Variants in JADE3 observed in about 807,000 individuals in gnomAD.
The protein encoded by JADE3 is jade family PHD finger 3, also known as protein Jade-3.
Under a neutral mutation model 50.1 loss-of-function variants are expected in JADE3, and 2 were observed. That is an observed-to-expected ratio of 0.04 (90% CI 0.02 to 0.13). The LOEUF is 0.13. Among genes scored for constraint, JADE3 ranks in the 10% least tolerant of loss-of-function variants. JADE3 has a pLI of 1.00. For synonymous variants in JADE3, 218 were observed against 232.9 expected, an observed-to-expected ratio of 0.94 and a Z score of 0.58; for missense variants, 475 against 634.4, an observed-to-expected ratio of 0.75 and a Z score of 2.70.
At chrX:46,980,162 G>A (rs1927713894) in intron 1 of JADE3, among the ~76,000 whole-genome samples, 1 of 110,527 alleles carries the variant, frequency 9.0e-6, no homozygotes, top group Admixed American at 9.7e-5. Flanking sequence ...TTACAGGTGC[G>A]AGCCACCATG....
At chrX:47,017,019 A>G (rs1253211943) in intron 4 of JADE3, among the ~76,000 whole-genome samples, 2 of 112,051 alleles carry the variant, frequency 1.8e-5, no homozygotes, top group East Asian at 2.8e-4. Flanking sequence ...CTTGGGTGCT[A>G]GAATTACTCT....
At chrX:46,996,283 C>T (rs782602596) in intron 3 of JADE3, among the ~76,000 whole-genome samples, 1 of 112,076 alleles carries the variant, frequency 8.9e-6, no homozygotes, top group Non-Finnish European at 1.9e-5. Context: ...GATCCACCCA[C>T]CTCGGACTCC....
Position 47,060,758 on chromosome X carries a change from TA to T in JADE3, c.*1682del, listed in dbSNP as rs1425696478. The T allele has an allele frequency of 8.9e-6, 1 of 112,305 alleles. No homozygotes were observed. The highest frequency in any genetic ancestry group is 9.6e-5 in the Admixed American group (1 of 10,470). The allele number at this position is 112,305 out of a possible 1,213,427, so 9.3% of individuals were successfully genotyped here. A position where few individuals can be genotyped will look rare whatever the true frequency, so the allele number is the denominator to read the frequency against. On this transcript the variant is annotated 3_prime_UTR_variant, in exon 11 of 11. Transcript: ENST00000614628. ...AAGAGAATTTCCCCTATTTATGCAC[TA>T]GGTTTCTGTGCTTTTTCTTTGAGTT...
intron 1 of JADE3, among the ~76,000 whole-genome samples, chrX:46,917,878 T>TCATC (rs1556336889): frequency 6.4e-4 from 66 of 102,953 alleles, no homozygotes; most frequent in African/African-American, 2.3e-3. Context: ...TCTCTCTCTC[T>TCATC]CTCTCTCATC....
chrX:47,025,050 T>C (rs1198768698), intron 5 of JADE3, 136 bp downstream of exon 5: 1 of 407,326 alleles, frequency 2.5e-6, no homozygotes, highest in East Asian at 4.0e-5. Context: ...TCATTGATTT[T>C]ATCTTATTTC....
intron 4 of JADE3, among the ~76,000 whole-genome samples, chrX:47,006,459 G>GTTT (rs61687892): frequency 6.5e-5 from 5 of 76,647 alleles, no homozygotes; most frequent in Non-Finnish European, 7.7e-5. Flanking sequence ...AATTTTTGTA[G>GTTT]TTTTTTTTTT....
At chrX:46,943,550 T>C (rs1332914881) in intron 1 of JADE3, among the ~76,000 whole-genome samples, 2 of 112,518 alleles carry the variant, frequency 1.8e-5, no homozygotes, top group African/African-American at 6.5e-5. Context: ...TAACCTAGTA[T>C]CCCAGGAATA....
chrX:47,016,136 G>A (rs1556362837), intron 4 of JADE3, among the ~76,000 whole-genome samples: 1 of 110,784 alleles, frequency 9.0e-6, no homozygotes. Context: ...AGGCTTTGAA[G>A]TGACTTACCT....
intron 1 of JADE3, among the ~76,000 whole-genome samples, chrX:46,947,032 C>A (rs782403310): frequency 1.8e-5 from 2 of 111,065 alleles, no homozygotes; most frequent in African/African-American, 6.5e-5. Context: ...CTTTTCTTTT[C>A]TCTTTGAGAC....
chrX:46,967,415 A>G (rs1556349275), intron 1 of JADE3, among the ~76,000 whole-genome samples: 1 of 111,792 alleles, frequency 8.9e-6, no homozygotes. Flanking sequence ...TTAACTCAGA[A>G]TAATTAAAAT....
chrX:46,978,730 T>G (rs141193436), intron 1 of JADE3, among the ~76,000 whole-genome samples: 196 of 111,345 alleles, frequency 1.8e-3, no homozygotes, highest in Non-Finnish European at 2.6e-3. Flanking sequence ...CCCTCCAGCC[T>G]GTCCTCTGGC....
rs1556374186 is a variant in JADE3, at chrX:47,058,804, T to C, written c.2199T>C (p.Tyr733=). Residue 733 remains tyrosine (Y), a synonymous_variant, in exon 11 of 11, where the codon TAT becomes TAC. Coordinates refer to ENST00000614628, the MANE Select transcript of JADE3 (RefSeq NM_014735.5). ...WVKNTEDLQC[Y]VKPTKNMSPK... is the part of the protein sequence containing the mutation. The stretch of plus-strand genomic sequence containing the variant: ...AGAACACAGAGGACCTCCAGTGCTA[T>C]GTGAAGCCAACCAAGAATATGAGCC... 2.5e-6 allele frequency: 3 copies of C among 1,210,603 alleles called. No individual in the cohort carries two copies. The highest frequency in any genetic ancestry group is 3.0e-5 in the East Asian group (1 of 33,827).
intron 8 of JADE3, among the ~76,000 whole-genome samples, chrX:47,039,765 A>T (rs1298319095): frequency 1.8e-5 from 2 of 111,445 alleles, no homozygotes; most frequent in African/African-American, 6.5e-5. Context: ...TGTCTTTCCA[A>T]CTTTTATTTT....
chrX:46,944,345 G>A (rs1175681521), intron 1 of JADE3, among the ~76,000 whole-genome samples: 1 of 102,013 alleles, frequency 9.8e-6, no homozygotes, highest in Non-Finnish European at 2.0e-5. Flanking sequence ...TGCTGTTGTC[G>A]CCCAGGCTGG....
chrX:47,003,215 CAG>C lies in JADE3; in HGVS notation c.284+4940_284+4941del, dbSNP rs782321493. 2.7e-5 allele frequency among the ~76,000 whole-genome samples: 3 copies of C among 111,254 alleles called. No homozygotes were observed. The South Asian group carries it at 1.1e-3, about 42-fold the overall frequency. On this transcript the variant is annotated intron_variant, in intron 4 of 10. Transcript: ENST00000614628. ...ATCACAGGCTGGATAGCTTAAACAA[CAG>C]AAATTTATTTCTCAAAGTTCTGGAG...
intron 3 of JADE3, among the ~76,000 whole-genome samples, chrX:46,994,467 A>C (rs1928080862): frequency 8.9e-6 from 1 of 112,314 alleles, no homozygotes; most frequent in East Asian, 2.8e-4. Flanking sequence ...CACTATTAAG[A>C]ACTTGTAAAA....
At chrX:46,978,196 G>C (rs1440492548) in intron 1 of JADE3, among the ~76,000 whole-genome samples, 2 of 111,613 alleles carry the variant, frequency 1.8e-5, no homozygotes, top group Non-Finnish European at 3.8e-5. Context: ...AACACCTAAC[G>C]ATAGCTGATG....
rs370809348 is a variant in JADE3, at chrX:47,001,176, TTGTAC to T, written c.284+2904_284+2908del. ...GTTTTTTAGAAAATATCAATAAGAC[TTGTAC>T]TGTAGTATGTAGCCTTTCCTATGGA... On this transcript the variant is annotated intron_variant, in intron 4 of 10. Coordinates refer to ENST00000614628, the MANE Select transcript of JADE3 (RefSeq NM_014735.5). 4.7e-3 allele frequency among the ~76,000 whole-genome samples: 525 copies of T among 111,964 alleles called. 2 individuals carry two copies. Among genetic ancestry groups the T allele is most frequent in the African/African-American group, 0.016 (503 of 30,872 alleles).
chrX:47,031,870 AAATAAT>A (rs782109455), intron 6 of JADE3, among the ~76,000 whole-genome samples: 3 of 111,090 alleles, frequency 2.7e-5, no homozygotes, highest in Non-Finnish European at 5.7e-5. Context: ...GTCTCAAAAA[AAATAAT>A]AATAAAATTA....
Sources: allele counts gnomAD v4.1 joint callset (sites outside exome capture counted in the v4.1 genomes callset), GRCh38; gene constraint gnomAD v4.1.1; transcripts MANE v1.5; gene names NCBI Gene and HGNC (gene_info 2026-07-23, HGNC 2026-07-21).